Variants in GAS7 observed in about 807,000 individuals in gnomAD.
GAS7 encodes growth arrest specific 7.
A neutral mutation model predicts 71.1 loss-of-function variants in GAS7; 28 were observed. The observed-to-expected ratio is 0.39, with a 90% confidence interval of 0.29 to 0.54. GAS7 has a LOEUF of 0.54. Ranked by LOEUF, GAS7 falls within the 20% of genes least tolerant of loss-of-function variation. The pLI is 0.62. For synonymous variants in GAS7, 258 were observed against 245.8 expected (o/e 1.05, Z -0.46); for missense variants, 436 against 627.8 (o/e 0.69, Z 3.27).
chr17:9,990,023 A>C (rs2070780419), intron 2 of GAS7, among the ~76,000 whole-genome samples: 1 of 152,060 alleles, frequency 6.6e-6, no homozygotes, highest in Non-Finnish European at 1.5e-5. Context: ...TAATCCCAGC[A>C]CTTTGGGAGG....
chr17:9,968,224 C>A (rs1446574956), intron 4 of GAS7, among the ~76,000 whole-genome samples: 1 of 152,118 alleles, frequency 6.6e-6, no homozygotes, highest in Non-Finnish European at 1.5e-5. Context: ...ACATACAAAG[C>A]CACGGTTGAT....
At chr17:9,927,180 G>GGCTCAT (rs139792358) in intron 9 of GAS7, among the ~76,000 whole-genome samples, 54,904 of 151,272 alleles carry the variant, frequency 0.36, 10,275 homozygotes, top group Non-Finnish European at 0.42. Context: ...TGGGCACGGT[G>GGCTCAT]GCTCATGCCT....
chr17:10,007,099 C>T (rs895012683), intron 2 of GAS7, among the ~76,000 whole-genome samples: 16 of 152,290 alleles, frequency 1.1e-4, no homozygotes, highest in African/African-American at 3.6e-4. Context: ...ACTATGCCTC[C>T]ACCATTTTAT....
Position 9,914,830 on chromosome 17 carries a change from A to G in GAS7, c.*2398T>C, listed in dbSNP as rs1445875516. ...TTCTCAGCATGCCTGGCTTGTCTTGAGCATTCGCTGAATGAATGCAGATTA... is the reference window on the plus strand; with the variant it reads ...TTCTCAGCATGCCTGGCTTGTCTTGGGCATTCGCTGAATGAATGCAGATTA... On this transcript the variant is annotated 3_prime_UTR_variant, in exon 14 of 14. Transcript: ENST00000432992. The G allele has an allele frequency of 3.5e-5, 8 of 230,542 alleles. No homozygotes were observed. Among genetic ancestry groups the G allele is most frequent in the Non-Finnish European group, 6.9e-5 (8 of 116,438 alleles). The allele number at this position is 230,542 out of a possible 1,614,324, so 14.3% of individuals were successfully genotyped here. A position where few individuals can be genotyped will look rare whatever the true frequency, so the allele number is the denominator to read the frequency against.
intron 3 of GAS7, among the ~76,000 whole-genome samples, chr17:9,975,002 G>C (rs535508504): frequency 6.6e-6 from 1 of 152,300 alleles, no homozygotes; most frequent in South Asian, 2.1e-4. Flanking sequence ...ACCTCCTGTA[G>C]GTCTGGCCTA....
intron 1 of GAS7, among the ~76,000 whole-genome samples, chr17:10,193,225 T>C (rs35414609): frequency 0.35 from 51,799 of 146,354 alleles, 9,232 homozygotes; most frequent in Middle Eastern, 0.44. Flanking sequence ...GCTGCATCGT[T>C]TATCATGTGG....
intron 8 of GAS7, 43 bp downstream of exon 8, chr17:9,940,083 A>G (rs368965986): frequency 3.8e-6 from 4 of 1,052,374 alleles, no homozygotes; most frequent in Non-Finnish European, 4.5e-6. Context: ...TTCCTCAGTG[A>G]CCCCCCATCC....
At chr17:10,143,855 C>T (rs953501528) in intron 1 of GAS7, among the ~76,000 whole-genome samples, 1 of 152,200 alleles carries the variant, frequency 6.6e-6, no homozygotes, top group Non-Finnish European at 1.5e-5. Context: ...CAAACTCACA[C>T]GTGTCTGTCA....
intron 1 of GAS7, among the ~76,000 whole-genome samples, chr17:10,095,816 A>AAAAT (rs1283674288): frequency 6.6e-6 from 1 of 151,744 alleles, no homozygotes; most frequent in Non-Finnish European, 1.5e-5. Context: ...AAAAAAAAAA[A>AAAAT]AATAAGGTTC....
chr17:10,038,520 G>A (rs932889464), intron 1 of GAS7, among the ~76,000 whole-genome samples: 7 of 152,062 alleles, frequency 4.6e-5, no homozygotes, highest in African/African-American at 1.7e-4. Flanking sequence ...TTGCCATATG[G>A]TCCAGCAATT....
At chr17:10,152,569 C>T (rs1463266442) in intron 1 of GAS7, among the ~76,000 whole-genome samples, 3 of 152,146 alleles carry the variant, frequency 2.0e-5, no homozygotes, top group Admixed American at 6.5e-5. Flanking sequence ...AGATGTGACT[C>T]CAGATAGACA....
chr17:9,954,432 C>G (rs544350146), intron 5 of GAS7, among the ~76,000 whole-genome samples: 1 of 147,768 alleles, frequency 6.8e-6, no homozygotes, highest in African/African-American at 2.5e-5. Context: ...GGAGGGAGAA[C>G]GTGACTGTGG....
At chr17:10,139,264 T>G (rs1465747514) in intron 1 of GAS7, among the ~76,000 whole-genome samples, 2 of 152,116 alleles carry the variant, frequency 1.3e-5, no homozygotes, top group Non-Finnish European at 2.9e-5. Context: ...TAAATTTCAC[T>G]CACAATAACA....
chr17:10,058,997 G>A (rs1246509173), intron 1 of GAS7, among the ~76,000 whole-genome samples: 1 of 152,202 alleles, frequency 6.6e-6, no homozygotes, highest in South Asian at 2.1e-4. Context: ...GGAACATCAG[G>A]GTATGCTGTC....
At chr17:9,945,036 G>A (rs958844489) in intron 6 of GAS7, among the ~76,000 whole-genome samples, 8 of 152,026 alleles carry the variant, frequency 5.3e-5, no homozygotes, top group African/African-American at 1.7e-4. Context: ...CACAAGTGTC[G>A]CCCTCCGGAT....
rs140019411 is a variant in GAS7 at position 9,934,799 on chromosome 17, G to A, written c.807-555C>T. 7.4e-4 allele frequency among the ~76,000 whole-genome samples: 113 copies of A among 152,312 alleles called. 1 individual carries two copies. Among genetic ancestry groups the A allele is most frequent in the African/African-American group, 2.6e-3 (106 of 41,560 alleles). On this transcript the variant is annotated intron_variant, in intron 8 of 13. Transcript: ENST00000432992. The stretch of plus-strand genomic sequence containing the variant: ...CGCCTAGGCTGGAGTACAATGGCGC[G>A]ATCTTGGCTCATGGCAACCTCTGCC...
At chr17:9,925,686 T>G in intron 10 of GAS7, 87 bp from the exon 11 acceptor site, 1 of 1,450,876 alleles carries the variant, frequency 6.9e-7, no homozygotes, top group Non-Finnish European at 9.6e-7. Context: ...CCCTTTGGAG[T>G]CCTTTCGCCC....
At chr17:9,929,732 C>T (rs983920746) in intron 9 of GAS7, among the ~76,000 whole-genome samples, 1 of 152,170 alleles carries the variant, frequency 6.6e-6, no homozygotes, top group East Asian at 1.9e-4. Flanking sequence ...CCGCCTCGGC[C>T]TCCCAAAGTG....
chr17:10,110,856 A>G (rs2073804879), intron 1 of GAS7, among the ~76,000 whole-genome samples: 1 of 152,238 alleles, frequency 6.6e-6, no homozygotes, highest in Non-Finnish European at 1.5e-5. Flanking sequence ...AACAGCTAGA[A>G]GAATGTTTGT....
Sources: gnomAD v4.1 joint callset for allele counts (sites outside exome capture counted in the v4.1 genomes callset) on GRCh38, gnomAD v4.1.1 for gene constraint, MANE v1.5 for transcripts, NCBI Gene and HGNC (gene_info 2026-07-23, HGNC 2026-07-21) for gene names.